PTCH1: variants seen among roughly 807,000 people sequenced by gnomAD.
PTCH1 encodes patched 1, also known as protein patched homolog 1.
In PTCH1, 14 loss-of-function variants were observed where a neutral mutation model predicts 144.6. That is an observed-to-expected ratio of 0.10 (90% CI 0.06 to 0.15). The LOEUF is 0.15. Ranked by LOEUF, PTCH1 falls within the 10% of genes least tolerant of loss-of-function variation. The pLI, the probability that PTCH1 is intolerant of heterozygous loss-of-function variation, is 1.00. For synonymous variants in PTCH1, 833 were observed against 793.6 expected (o/e 1.05, Z -0.83); for missense variants, 1,623 against 1,948.3 (o/e 0.83, Z 3.14).
chr9:95,476,901 C>T lies in PTCH1; in HGVS notation c.1504-44G>A, dbSNP rs372006857. The T allele has an allele frequency of 5.1e-6, 8 of 1,565,938 alleles. No homozygotes were observed. The African/African-American group carries it at 9.5e-5, about 19-fold the overall frequency. Reference sequence around the variant, plus strand: ...ATGGTGGCATTAGACATGCGAGATGCAATTCAGATGATTCTAAAGCTAGTT... The same window carrying T: ...ATGGTGGCATTAGACATGCGAGATGTAATTCAGATGATTCTAAAGCTAGTT... On this transcript the variant is annotated intron_variant, in intron 10 of 23. Coordinates refer to ENST00000331920, the MANE Select transcript of PTCH1 (RefSeq NM_000264.5). The surrounding 1 kb of genome is among the most constrained non-coding windows in gnomAD (Gnocchi z 4.6).
At chr9:95,457,456 C>T (rs1019396836) in intron 18 of PTCH1, among the ~76,000 whole-genome samples, 25 of 152,136 alleles carry the variant, frequency 1.6e-4, no homozygotes, top group African/African-American at 4.6e-4. Context: ...AACATTGCCA[C>T]GGTTTTATTA....
rs753444120 is a variant in PTCH1, at chr9:95,449,372, T to C, written c.3550-49A>G. On this transcript the variant is annotated intron_variant, in intron 21 of 23. Coordinates refer to ENST00000331920, the MANE Select transcript of PTCH1 (RefSeq NM_000264.5). This position sits in a 1 kb window ranked among gnomAD's most constrained non-coding sequence, Gnocchi z 5.3. ...AAAGTGTTCTTGTCCATTTACCTGC[T>C]GGCCACACTCAAAGCTCAAAGCACG... 2.6e-6 allele frequency: 4 copies of C among 1,537,776 alleles called. No homozygotes were observed. The highest frequency in any genetic ancestry group is 1.2e-5 in the South Asian group (1 of 84,076).
At chr9:95,510,630 T>TA (rs1253803586), upstream of PTCH1, among the ~76,000 whole-genome samples, 1 of 151,936 alleles carries the variant, frequency 6.6e-6, no homozygotes, top group Non-Finnish European at 1.5e-5. Flanking sequence ...TTTTTTTTTT[T>TA]AAACGGGGTT....
intron 1 of PTCH1, chr9:95,506,948 G>A (rs1843714176): frequency 9.7e-7 from 1 of 1,028,220 alleles, no homozygotes; most frequent in Non-Finnish European, 1.2e-6. Context: ...CCAGAGCTGA[G>A]AAGGGAGGGG....
At chr9:95,506,215 T>G in intron 2 of PTCH1, 192 bp downstream of exon 2, 2 of 547,978 alleles carry the variant, frequency 3.6e-6, no homozygotes, top group Non-Finnish European at 6.1e-6. Flanking sequence ...GCGCCCCGAG[T>G]AGATTACAGC....
rs987272477 is a variant in PTCH1, at chr9:95,459,951, T to C, written c.2704-168A>G. The C allele has an allele frequency of 8.0e-6, 6 of 752,032 alleles. No individual in the cohort carries two copies. The Middle Eastern group carries it at 1.1e-3, about 133-fold the overall frequency. The allele number at this position is 752,032 out of a possible 1,614,324, so 46.6% of individuals were successfully genotyped here. A position where few individuals can be genotyped will look rare whatever the true frequency, so the allele number is the denominator to read the frequency against. On this transcript the variant is annotated intron_variant, in intron 16 of 23. Transcript: ENST00000331920. ...TCAGAACACCTTTGATTTCTTTCAA[T>C]GTGCACTTATCGGAGGATGCAATCA... is the stretch of plus-strand genomic sequence containing the variant.
At chr9:95,453,434 C>A (rs369289406) in intron 20 of PTCH1, 44 bp downstream of exon 20, 1 of 1,612,204 alleles carries the variant, frequency 6.2e-7, no homozygotes, top group Non-Finnish European at 8.5e-7. Flanking sequence ...CCGGCCCAAT[C>A]ACAATGATTT....
rs541107180 is a variant in PTCH1, at chr9:95,474,589, C to T, written c.1728+1445G>A. 2.7e-3 allele frequency among the ~76,000 whole-genome samples: 406 copies of T among 152,200 alleles called. 1 individual carries two copies. The highest frequency in any genetic ancestry group is 5.1e-3 in the Non-Finnish European group (346 of 68,022). On this transcript the variant is annotated intron_variant, in intron 12 of 23. Coordinates refer to ENST00000331920, the MANE Select transcript of PTCH1 (RefSeq NM_000264.5). ...ATGTTTCTTTTGGGGCTGGCGGTTACGGTAATTGGCATAGAATCTTTTCTC... is the reference window on the plus strand; with the variant it reads ...ATGTTTCTTTTGGGGCTGGCGGTTATGGTAATTGGCATAGAATCTTTTCTC...
intron 19 of PTCH1, among the ~76,000 whole-genome samples, chr9:95,455,156 T>C (rs1409276274): frequency 6.6e-6 from 1 of 152,224 alleles, no homozygotes. Context: ...ACTGTTGCCA[T>C]ATTATTGGCT....
chr9:95,497,282 T>C (rs756483561), intron 2 of PTCH1, among the ~76,000 whole-genome samples: 10 of 152,212 alleles, frequency 6.6e-5, no homozygotes, highest in Non-Finnish European at 1.0e-4. Context: ...TTCCTGTCAT[T>C]GCTGGCAGCA....
In PTCH1 at chr9:95,480,492, C is replaced by T. The variant is rs2118420144; in HGVS notation, c.843G>A (p.Met281Ile). Residue 281 changes from methionine to isoleucine, a missense_variant, in exon 6 of 24, where the codon ATG (methionine) becomes ATA (isoleucine). Physicochemically the swap from Met to Ile is conservative, Grantham distance 10 (BLOSUM62 1). This residue lies in a region of PTCH1 where 230 missense variants were observed against 271.0 expected (regional missense o/e 0.85). Coordinates refer to ENST00000331920, the MANE Select transcript of PTCH1 (RefSeq NM_000264.5). The part of the protein sequence containing the change: ...INYQVDSWEE[M>I]LNKAEVGHGY... ...CATGACCAACCTCAGCCTTATTCAGCATTTCCTCCCAGCTGTCCACTTGAT... is the reference window on the plus strand; with the variant it reads ...CATGACCAACCTCAGCCTTATTCAGTATTTCCTCCCAGCTGTCCACTTGAT... 2 of 1,612,990 alleles carry T rather than the reference C, an allele frequency of 1.2e-6. No individual in the cohort carries two copies. Among genetic ancestry groups the T allele is most frequent in the South Asian group, 1.1e-5 (1 of 90,842 alleles).
In PTCH1 at chr9:95,507,905, T is replaced by TACAC. The variant is rs139956254; in HGVS notation, c.201+252_201+255dup. On this transcript the variant is annotated intron_variant, in intron 1 of 23. Transcript: ENST00000331920. ...AGGCACACCAGGGAGGGCGTGTGTATACACACACACACACGCACACACACA... is the reference window on the plus strand; with the variant it reads ...AGGCACACCAGGGAGGGCGTGTGTATACACACACACACACACACGCACACACACA... The TACAC allele has an allele frequency of 0.29, 374,639 of 1,281,314 alleles. 38,792 individuals are homozygous for TACAC. The highest frequency in any genetic ancestry group is 0.44 in the African/African-American group (28,157 of 64,500). 79.4% of individuals were successfully genotyped at this position (1,281,314 alleles called of 1,614,324 possible).
chr9:95,491,679 A>T (rs911505288), intron 2 of PTCH1, among the ~76,000 whole-genome samples: 10 of 152,172 alleles, frequency 6.6e-5, no homozygotes, highest in Non-Finnish European at 8.8e-5. Flanking sequence ...AGCTGAGAAC[A>T]TGAGTACAGC....
At chr9:95,501,942 C>T (rs1244447561) in intron 2 of PTCH1, among the ~76,000 whole-genome samples, 5 of 152,190 alleles carry the variant, frequency 3.3e-5, no homozygotes, top group Non-Finnish European at 7.3e-5. Flanking sequence ...AGGGAAAACA[C>T]TAGAGGCCAA....
chr9:95,479,892 C>T lies in PTCH1; in HGVS notation c.1067+77G>A, dbSNP rs1389178020. 23 of 1,602,600 alleles carry T rather than the reference C, an allele frequency of 1.4e-5. No homozygotes were observed. In the East Asian group the frequency reaches 2.7e-4, roughly 19 times the overall value. ...TAAGTATTAATACAAATACACTTGC[C>T]GATGTCAGGAGGGAAGTGGCTTTTG... On this transcript the variant is annotated intron_variant, in intron 7 of 23. Transcript: ENST00000331920.
At position 95,459,763 on chromosome 9, in the gene PTCH1, C is replaced by A. The variant is rs1564021832; in HGVS notation, c.2724G>T (p.Val908=). 6.2e-7 allele frequency: 1 copy of A among 1,614,174 alleles called. No individual in the cohort carries two copies. The highest frequency in any genetic ancestry group is 8.5e-7 in the Non-Finnish European group (1 of 1,180,036). Residue 908 remains valine, a synonymous_variant, in exon 17 of 24, where the codon GTG becomes GTT. Transcript: ENST00000331920. ...TGGGATTAATGATGCCATCTGCATC[C>A]ACCAGACGCTGTTTAGTCAACTACA... ...DISQLTKQRL[V]DADGIINPSA...
intron 15 of PTCH1, among the ~76,000 whole-genome samples, chr9:95,466,773 T>C (rs1482243920): frequency 1.3e-5 from 2 of 152,178 alleles, no homozygotes; most frequent in African/African-American, 4.8e-5. Context: ...CAGCCGCACT[T>C]TGATTTTATG....
At chr9:95,477,315 T>G (rs1841125797) in intron 10 of PTCH1, among the ~76,000 whole-genome samples, 1 of 152,170 alleles carries the variant, frequency 6.6e-6, no homozygotes, top group Non-Finnish European at 1.5e-5. Context: ...TACATTCCTA[T>G]CAGCCAAGTG....
intron 13 of PTCH1, 133 bp downstream of exon 13, chr9:95,469,680 T>C: frequency 2.2e-6 from 2 of 923,940 alleles, no homozygotes; most frequent in Admixed American, 3.4e-5. Context: ...CTCTGTCCAA[T>C]CTCTCCCCTA....
Sources: gnomAD v4.1 joint callset for allele counts (sites outside exome capture counted in the v4.1 genomes callset) on GRCh38, gnomAD v4.1.1 for gene constraint, gnomAD v4.1.1 regional missense constraint, Gnocchi (gnomAD v3.1) non-coding constraint, MANE v1.5 for transcripts, NCBI Gene and HGNC (gene_info 2026-07-23, HGNC 2026-07-21) for gene names.